Variants in KCTD8 observed in about 807,000 individuals in gnomAD.
KCTD8 encodes BTB/POZ domain-containing protein KCTD8.
KCTD8 carries 27 observed loss-of-function variants against 31.5 expected under a neutral mutation model. The observed-to-expected ratio is 0.86, with a 90% CI of 0.63 to 1.18. The LOEUF is 1.18. Ranked by LOEUF, KCTD8 falls within the 50% of genes most tolerant of loss-of-function variation. The pLI, the probability that KCTD8 is intolerant of heterozygous loss-of-function variation, is 0.00. For missense variants in KCTD8, 658 were observed against 647.7 expected, an observed-to-expected ratio of 1.02 and a Z score of -0.17; for synonymous variants, 290 against 280.0, an observed-to-expected ratio of 1.04 and a Z score of -0.36.
intron 1 of KCTD8, among the ~76,000 whole-genome samples, chr4:44,387,713 A>T (rs1285934672): frequency 6.6e-6 from 1 of 152,062 alleles, no homozygotes; most frequent in Non-Finnish European, 1.5e-5. Context: ...TACAAAAATT[A>T]ACTCAAGATG....
At chr4:44,372,154 C>A (rs17539131) in intron 1 of KCTD8, among the ~76,000 whole-genome samples, 1 of 152,166 alleles carries the variant, frequency 6.6e-6, no homozygotes, top group South Asian at 2.1e-4. Context: ...GTCACTCACT[C>A]TATCAGACTG....
At chr4:44,345,840 T>C (rs1719022755) in intron 1 of KCTD8, among the ~76,000 whole-genome samples, 1 of 152,082 alleles carries the variant, frequency 6.6e-6, no homozygotes, top group South Asian at 2.1e-4. Context: ...TACAGGTATG[T>C]GTTATATAAT....
At chr4:44,267,532 A>G (rs139077669) in intron 1 of KCTD8, among the ~76,000 whole-genome samples, 9,331 of 152,284 alleles carry the variant, frequency 0.061, 961 homozygotes, top group African/African-American at 0.21. Flanking sequence ...GAAGGCAAGA[A>G]ATGACTAAAA....
At chr4:44,446,720 C>G (rs1277404450) in intron 1 of KCTD8, among the ~76,000 whole-genome samples, 1 of 152,182 alleles carries the variant, frequency 6.6e-6, no homozygotes, top group Non-Finnish European at 1.5e-5. Flanking sequence ...GGACTCAACC[C>G]CCGCTTTCGC....
chr4:44,301,534 C>A (rs1184720562), intron 1 of KCTD8, among the ~76,000 whole-genome samples: 2 of 152,176 alleles, frequency 1.3e-5, no homozygotes, highest in Non-Finnish European at 2.9e-5. Context: ...AGTGTCTGTT[C>A]ATATCCTTTG....
intron 1 of KCTD8, among the ~76,000 whole-genome samples, 184 bp downstream of exon 1, chr4:44,447,379 C>A (rs1222696031): frequency 6.6e-6 from 1 of 152,188 alleles, no homozygotes; most frequent in Non-Finnish European, 1.5e-5. Flanking sequence ...ACGGAAATAT[C>A]CGAATCGGTG....
At chr4:44,182,597 G>C (rs567613945) in intron 1 of KCTD8, among the ~76,000 whole-genome samples, 33 of 152,222 alleles carry the variant, frequency 2.2e-4, no homozygotes, top group Admixed American at 5.9e-4. Context: ...CAGCATGCTC[G>C]TTAAGAGTCA....
At chr4:44,183,706 A>G (rs1713497575) in intron 1 of KCTD8, among the ~76,000 whole-genome samples, 1 of 152,208 alleles carries the variant, frequency 6.6e-6, no homozygotes, top group African/African-American at 2.4e-5. Context: ...TTCCTTGAAT[A>G]CACAAGCATT....
At chr4:44,443,456 T>C (rs771329438) in intron 1 of KCTD8, among the ~76,000 whole-genome samples, 77 of 152,314 alleles carry the variant, frequency 5.1e-4, no homozygotes, top group Middle Eastern at 3.4e-3. Flanking sequence ...ACTCAACTAG[T>C]TTTCTTCAAC....
At chr4:44,383,490 A>T (rs1490924904) in intron 1 of KCTD8, among the ~76,000 whole-genome samples, 1 of 152,072 alleles carries the variant, frequency 6.6e-6, no homozygotes, top group Admixed American at 6.6e-5. Context: ...GGAACAGAAC[A>T]GAGAACTCAT....
intron 1 of KCTD8, among the ~76,000 whole-genome samples, chr4:44,336,146 T>A (rs1577622523): frequency 1.6e-5 from 1 of 62,160 alleles, no homozygotes; most frequent in Non-Finnish European, 2.6e-5. Flanking sequence ...CGAGACTCCG[T>A]CTCAAAAAAA....
At chr4:44,255,573 T>C (rs1174654486) in intron 1 of KCTD8, among the ~76,000 whole-genome samples, 1 of 151,882 alleles carries the variant, frequency 6.6e-6, no homozygotes, top group Non-Finnish European at 1.5e-5. Context: ...ATCCCAACCC[T>C]TTCCATGTCC....
intron 1 of KCTD8, among the ~76,000 whole-genome samples, chr4:44,255,843 T>G (rs991469552): frequency 6.6e-6 from 1 of 152,000 alleles, no homozygotes; most frequent in Non-Finnish European, 1.5e-5. Flanking sequence ...AAATATATCT[T>G]AAACAGGACA....
intron 1 of KCTD8, among the ~76,000 whole-genome samples, chr4:44,213,727 A>G (rs1484696713): frequency 6.6e-6 from 1 of 151,980 alleles, no homozygotes; most frequent in African/African-American, 2.4e-5. Context: ...TTGCACCAAC[A>G]CTTGTTGACA....
intron 1 of KCTD8, among the ~76,000 whole-genome samples, chr4:44,209,044 GTT>G (rs1227964036): frequency 6.6e-6 from 1 of 151,956 alleles, no homozygotes; most frequent in Non-Finnish European, 1.5e-5. Flanking sequence ...ATGTATTTCT[GTT>G]TAAGTATCCT....
At chr4:44,229,408 T>C (rs1201684522) in intron 1 of KCTD8, among the ~76,000 whole-genome samples, 1 of 152,188 alleles carries the variant, frequency 6.6e-6, no homozygotes, top group East Asian at 1.9e-4. Context: ...TGGCAGAGTA[T>C]GACCTTCCAG....
chr4:44,413,804 G>T (rs779350561), intron 1 of KCTD8, among the ~76,000 whole-genome samples: 4 of 151,930 alleles, frequency 2.6e-5, no homozygotes, highest in Non-Finnish European at 4.4e-5. Flanking sequence ...GGATTTTAAG[G>T]TGGAGGGATA....
chr4:44,208,838 C>T (rs1714394601), intron 1 of KCTD8, among the ~76,000 whole-genome samples: 1 of 152,046 alleles, frequency 6.6e-6, no homozygotes, highest in African/African-American at 2.4e-5. Flanking sequence ...TTTATGTCTG[C>T]AATGCTTGTT....
chr4:44,211,361 G>A (rs1714479246), intron 1 of KCTD8, among the ~76,000 whole-genome samples: 1 of 152,054 alleles, frequency 6.6e-6, no homozygotes, highest in Non-Finnish European at 1.5e-5. Context: ...AATTATTTTA[G>A]TATACATAAA....
Sources: allele counts gnomAD v4.1 joint callset (sites outside exome capture counted in the v4.1 genomes callset), GRCh38; gene constraint gnomAD v4.1.1; transcripts MANE v1.5; gene names NCBI Gene and HGNC (gene_info 2026-07-23, HGNC 2026-07-21).